The following MICAL3 variants were observed in gnomAD, a reference collection of about 807,000 sequenced individuals.
MICAL3 encodes [F-actin]-monooxygenase MICAL3.
MICAL3 carries 62 observed loss-of-function variants against 207.4 expected under a neutral mutation model. That is an observed-to-expected ratio of 0.30 (90% confidence interval 0.24 to 0.37). The LOEUF is 0.37. MICAL3 is among the 10% of genes least tolerant of loss of function. MICAL3 has a pLI of 1.00. For missense variants in MICAL3, 2,368 were observed against 2,635.6 expected, an observed-to-expected ratio of 0.90 and a Z score of 2.22; for synonymous variants, 1,077 against 1,069.3, an observed-to-expected ratio of 1.01 and a Z score of -0.14.
chr22:17,971,162 G>C (rs987831757), intron 1 of MICAL3, among the ~76,000 whole-genome samples: 3 of 152,006 alleles, frequency 2.0e-5, no homozygotes, highest in African/African-American at 7.2e-5. Flanking sequence ...GGGCAACAGA[G>C]CAAGACCCCG....
chr22:17,933,204 T>C (rs2146322491), intron 1 of MICAL3, among the ~76,000 whole-genome samples: 1 of 152,326 alleles, frequency 6.6e-6, no homozygotes, highest in South Asian at 2.1e-4. Context: ...ATTCTAAAAC[T>C]GACCACATAA....
intron 19 of MICAL3, among the ~76,000 whole-genome samples, chr22:17,843,395 T>A (rs1176605061): frequency 6.6e-6 from 1 of 152,118 alleles, no homozygotes; most frequent in Non-Finnish European, 1.5e-5. Flanking sequence ...TCCCCTGTAA[T>A]GTGAGTAGCA....
chr22:17,807,955 C>T (rs368332057), intron 29 of MICAL3, among the ~76,000 whole-genome samples: 5 of 152,248 alleles, frequency 3.3e-5, no homozygotes, highest in African/African-American at 9.6e-5. Flanking sequence ...TATAAAGAGA[C>T]GGAAGTTCCC....
intron 19 of MICAL3, among the ~76,000 whole-genome samples, chr22:17,859,532 C>T (rs540412373): frequency 4.3e-4 from 65 of 152,344 alleles, no homozygotes; most frequent in African/African-American, 1.5e-3. Flanking sequence ...TTAATGCAGG[C>T]TAGTCCCTCC....
At position 17,793,162 on chromosome 22, in the gene MICAL3, T is replaced by G. The variant is rs2061842348; in HGVS notation, c.5651-1861A>C. On this transcript the variant is annotated intron_variant, in intron 29 of 31. Coordinates refer to ENST00000441493, the MANE Select transcript of MICAL3 (RefSeq NM_015241.3). The surrounding 1 kb of genome is among the most constrained non-coding windows in gnomAD (Gnocchi z 4.1). ...TCGGGTGAGCGCTGTGGACGGCAGG[T>G]AAGAGTTAGCAGGGTTAGTCACGGC... Among the ~76,000 whole-genome samples, 2 of 152,256 alleles carry G rather than the reference T, an allele frequency of 1.3e-5. No homozygotes were observed. The highest frequency in any genetic ancestry group is 3.9e-4 in the East Asian group (2 of 5,178).
At chr22:17,895,004 T>C (rs184317098) in intron 10 of MICAL3, among the ~76,000 whole-genome samples, 16 of 152,274 alleles carry the variant, frequency 1.1e-4, no homozygotes, top group Non-Finnish European at 2.1e-4. Flanking sequence ...CAAGTGCTCT[T>C]CCGTAAAGTA....
chr22:17,919,706 T>C lies in MICAL3; in HGVS notation c.-74-12820A>G, dbSNP rs1298405938. On this transcript the variant is annotated intron_variant, in intron 1 of 31. Transcript: ENST00000441493. ...GTGCTCCCCTGGAGACCTGCCCTTTTTCCATGACCACGACCAGCCCTGGAC... is the reference window on the plus strand; with the variant it reads ...GTGCTCCCCTGGAGACCTGCCCTTTCTCCATGACCACGACCAGCCCTGGAC... 2.0e-5 allele frequency among the ~76,000 whole-genome samples: 3 copies of C among 152,174 alleles called. No individual in the cohort carries two copies. The East Asian group carries it at 5.8e-4, about 29-fold the overall frequency.
rs67222681 is a variant in MICAL3 at position 17,929,568 on chromosome 22, CTTTTTTTT to C, written c.-74-22690_-74-22683del. Among the ~76,000 whole-genome samples the C allele has an allele frequency of 2.2e-4, 24 of 108,902 alleles. 1 individual carries two copies. The highest frequency in any genetic ancestry group is 8.3e-4 in the African/African-American group (23 of 27,674). 71.4% of individuals were successfully genotyped at this position (108,902 alleles called of 152,430 possible). A position where few individuals can be genotyped will look rare whatever the true frequency, so the allele number is the denominator to read the frequency against. On this transcript the variant is annotated intron_variant, in intron 1 of 31. Transcript: ENST00000441493. ...ATTTTTCTTTCTTTCCTTTTCTTTT[CTTTTTTTT>C]TTTTTTTTTTTGACAGGGTCTTGCT... is the stretch of plus-strand genomic sequence containing the variant.
At position 17,873,645 on chromosome 22, in the gene MICAL3, T is replaced by C. The variant is rs369726535; in HGVS notation, c.2242-1622A>G. The stretch of plus-strand genomic sequence containing the variant: ...GAATGTGTTCTAGGCCAGGAGGGCT[T>C]ATTTTAGAGGTTGAAGAAAGGTAAG... On this transcript the variant is annotated intron_variant, in intron 16 of 31. Transcript: ENST00000441493. Among the ~76,000 whole-genome samples the C allele has an allele frequency of 4.6e-5, 7 of 152,320 alleles. No homozygotes were observed. The South Asian group carries it at 6.2e-4, about 14-fold the overall frequency.
intron 5 of MICAL3, among the ~76,000 whole-genome samples, chr22:17,901,608 C>T (rs1435977306): frequency 6.6e-6 from 1 of 152,142 alleles, no homozygotes; most frequent in Non-Finnish European, 1.5e-5. Flanking sequence ...GAGATCGAGG[C>T]TGCAGTGAGC....
intron 1 of MICAL3, among the ~76,000 whole-genome samples, chr22:17,982,476 G>A (rs1179501858): frequency 1.3e-5 from 2 of 152,296 alleles, no homozygotes. Flanking sequence ...TTCAAGACCA[G>A]CCTGGCCAAG....
At chr22:17,898,151 CA>C (rs1931011340) in intron 7 of MICAL3, among the ~76,000 whole-genome samples, 3 of 151,850 alleles carry the variant, frequency 2.0e-5, no homozygotes, top group Non-Finnish European at 2.9e-5. Flanking sequence ...GGTCTCTTGG[CA>C]TTCTAGACTG....
chr22:17,934,500 C>A (rs1933421221), intron 1 of MICAL3, among the ~76,000 whole-genome samples: 1 of 152,154 alleles, frequency 6.6e-6, no homozygotes, highest in Non-Finnish European at 1.5e-5. Context: ...CAGCCAATAT[C>A]ATACTGAATG....
At chr22:17,792,370 G>A (rs1310084607) in intron 29 of MICAL3, among the ~76,000 whole-genome samples, 3 of 152,180 alleles carry the variant, frequency 2.0e-5, no homozygotes, top group Non-Finnish European at 4.4e-5. Flanking sequence ...AGCTGCTCCT[G>A]GGCTTCCTGG....
intron 1 of MICAL3, among the ~76,000 whole-genome samples, chr22:18,023,443 A>ACAG (rs1924610271): frequency 6.6e-6 from 1 of 151,642 alleles, no homozygotes; most frequent in Non-Finnish European, 1.5e-5. Context: ...TTTCTTTACA[A>ACAG]TGAAAATTCT....
chr22:18,019,185 A>G (rs1248957768), intron 1 of MICAL3: 1 of 151,736 alleles, frequency 6.6e-6, no homozygotes, highest in Non-Finnish European at 1.5e-5. Context: ...ACAGAGGGAG[A>G]CCCTGTCTCA....
At chr22:17,860,283 C>T (rs1165238383) in intron 19 of MICAL3, 1 of 985,260 alleles carries the variant, frequency 1.0e-6, no homozygotes, top group Non-Finnish European at 1.2e-6. Flanking sequence ...AATAAAAACT[C>T]ACAAAGAAAC....
intron 28 of MICAL3, among the ~76,000 whole-genome samples, chr22:17,810,351 C>T (rs550449795): frequency 6.6e-5 from 10 of 152,278 alleles, no homozygotes; most frequent in Middle Eastern, 3.4e-3. Context: ...GCATGAGCCA[C>T]CGCACCCAGC....
chr22:17,888,952 C>A (rs575890515), intron 13 of MICAL3, 82 bp downstream of exon 13: 2 of 950,372 alleles, frequency 2.1e-6, no homozygotes, highest in Non-Finnish European at 3.1e-6. Flanking sequence ...GGCACTGCTG[C>A]GGGACAGTCG....
Sources: gnomAD v4.1 joint callset for allele counts (sites outside exome capture counted in the v4.1 genomes callset) on GRCh38, gnomAD v4.1.1 for gene constraint, Gnocchi (gnomAD v3.1) non-coding constraint, MANE v1.5 for transcripts, NCBI Gene and HGNC (gene_info 2026-07-23, HGNC 2026-07-21) for gene names.